Variants in PCDHA2 observed in about 807,000 individuals in gnomAD.
PCDHA2 encodes protocadherin alpha-2.
Under a neutral mutation model 66.0 loss-of-function variants are expected in PCDHA2, and 58 were observed. The ratio of observed to expected loss-of-function variants is 0.88; its 90% CI spans 0.71 to 1.09. The LOEUF is 1.09. PCDHA2 is among the 50% of genes least tolerant of loss of function. PCDHA2 has a pLI of 0.00. For synonymous variants in PCDHA2, 634 were observed against 554.0 expected (o/e 1.14, Z -2.03); for missense variants, 1,267 against 1,242.3 (o/e 1.02, Z -0.30).
At chr5:140,853,080 C>A in intron 1 of PCDHA2, 1 of 301,148 alleles carries the variant, frequency 3.3e-6, no homozygotes, top group Non-Finnish European at 5.0e-6. Context: ...GGGGTTTCAC[C>A]GTGTTAGTCA....
chr5:140,967,451 G>A, intron 1 of PCDHA2: 2 of 1,613,628 alleles, frequency 1.2e-6, no homozygotes, highest in South Asian at 2.2e-5. Flanking sequence ...GGTTCTCACA[G>A]CCGTGGATGG....
At chr5:140,868,874 A>G (rs547590599) in intron 1 of PCDHA2, 25 of 646,974 alleles carry the variant, frequency 3.9e-5, no homozygotes, top group Middle Eastern at 8.7e-4. Flanking sequence ...AGTGCACAGT[A>G]CTCACAGTTT....
intron 1 of PCDHA2, chr5:140,834,461 A>T: frequency 6.3e-7 from 1 of 1,589,356 alleles, no homozygotes; most frequent in Non-Finnish European, 8.6e-7. Flanking sequence ...CTTGGGAGGC[A>T]GGGAGAGGCC....
At chr5:140,927,754 C>T (rs1554205003) in intron 1 of PCDHA2, 1 of 1,614,030 alleles carries the variant, frequency 6.2e-7, no homozygotes, top group African/African-American at 1.3e-5. Flanking sequence ...TCACGTGCAC[C>T]CTAAAAGTGG....
Position 141,009,727 on chromosome 5 carries a change from C to T in PCDHA2, c.2637C>T (p.Pro879=), listed in dbSNP as rs781880006. The part of the protein sequence containing the change: ...YGPGNPKQSG[P]GELPDKFIIP... ...CAGGCAACCCCAAACAATCCGGTCC[C>T]GGTGAGTTGCCCGACAAATTCATTA... Residue 879 remains proline, a synonymous_variant, in exon 4 of 4, where the codon CCC becomes CCT. Coordinates refer to ENST00000526136, the MANE Select transcript of PCDHA2 (RefSeq NM_018905.3). The T allele has an allele frequency of 3.1e-6, 5 of 1,614,022 alleles. No homozygotes were observed. The highest frequency in any genetic ancestry group is 2.2e-5 in the East Asian group (1 of 44,886).
chr5:140,965,424 G>A (rs2095899424), intron 1 of PCDHA2, among the ~76,000 whole-genome samples: 1 of 152,086 alleles, frequency 6.6e-6, no homozygotes, highest in African/African-American at 2.4e-5. Flanking sequence ...AGGAAGATAA[G>A]CTGCAGTCAT....
chr5:140,841,817 T>C, intron 1 of PCDHA2: 1 of 1,613,922 alleles, frequency 6.2e-7, no homozygotes. Flanking sequence ...TGGAGCTAAC[T>C]CCGTGTTAAC....
At chr5:140,854,798 A>G (rs2043232983) in intron 1 of PCDHA2, 1 of 149,748 alleles carries the variant, frequency 6.7e-6, no homozygotes, top group African/African-American at 2.4e-5. Flanking sequence ...GAGAGAGAAA[A>G]AAATATTTTT....
Position 140,972,800 on chromosome 5 carries a change from A to G in PCDHA2, c.2389-6149A>G, listed in dbSNP as rs937312575. ...TGCCTCAGCCTCCTGAGTAGCTGAGATTACAGGCACGCGCCACCACGCCTG... is the reference window on the plus strand; with the variant it reads ...TGCCTCAGCCTCCTGAGTAGCTGAGGTTACAGGCACGCGCCACCACGCCTG... On this transcript the variant is annotated intron_variant, in intron 1 of 3. Transcript: ENST00000526136. Among the ~76,000 whole-genome samples, 8 of 151,520 alleles carry G rather than the reference A, an allele frequency of 5.3e-5. No individual in the cohort carries two copies. In the South Asian group the frequency reaches 6.3e-4, roughly 12 times the overall value.
rs2096251050 is a variant in PCDHA2, at chr5:140,968,498, C to T, written c.2389-10451C>T. 3 of 1,614,190 alleles carry T rather than the reference C, an allele frequency of 1.9e-6. No individual in the cohort carries two copies. The highest frequency in any genetic ancestry group is 2.5e-6 in the Non-Finnish European group (3 of 1,180,042). The stretch of plus-strand genomic sequence containing the variant: ...GGTGGACATGAATGACCATGCCCCT[C>T]ACATTCTGTACCCTACCTCAACCAA... On this transcript the variant is annotated intron_variant, in intron 1 of 3. Coordinates refer to ENST00000526136, the MANE Select transcript of PCDHA2 (RefSeq NM_018905.3).
chr5:140,831,301 T>C (rs2150193400), intron 1 of PCDHA2: 1 of 152,322 alleles, frequency 6.6e-6, no homozygotes, highest in African/African-American at 2.4e-5. Context: ...TCTAAATCTA[T>C]TTCTTTGTAT....
chr5:140,946,631 T>TACAC (rs374022482), intron 1 of PCDHA2, among the ~76,000 whole-genome samples: 1 of 131,846 alleles, frequency 7.6e-6, no homozygotes, highest in Non-Finnish European at 1.5e-5. Flanking sequence ...TATATATATA[T>TACAC]ACAATGGAAT....
rs868938402 is a variant in PCDHA2, at chr5:140,806,035, G to A, written c.2388+8683G>A. Among the ~76,000 whole-genome samples the A allele has an allele frequency of 7.9e-5, 12 of 152,220 alleles. No individual in the cohort carries two copies. In the South Asian group the frequency reaches 2.5e-3, roughly 32 times the overall value. On this transcript the variant is annotated intron_variant, in intron 1 of 3. Transcript: ENST00000526136. ...AAATGCTTATAAGAGATAAATTAATGTAATAAATGGCCCACGCGATTCCAC... is the reference window on the plus strand; with the variant it reads ...AAATGCTTATAAGAGATAAATTAATATAATAAATGGCCCACGCGATTCCAC...
At chr5:140,827,751 A>G (rs1042537748) in intron 1 of PCDHA2, among the ~76,000 whole-genome samples, 1 of 152,258 alleles carries the variant, frequency 6.6e-6, no homozygotes, top group Non-Finnish European at 1.5e-5. Context: ...TAGATCCCTT[A>G]CTTTAAATTA....
chr5:140,842,355 A>G lies in PCDHA2; in HGVS notation c.2388+45003A>G, dbSNP rs2150334539. ...TTAGTGAGAATTTTGGATAAAAATG[A>G]TAACGTCCCTGAGATAGCACTGACT... On this transcript the variant is annotated intron_variant, in intron 1 of 3. Transcript: ENST00000526136. The G allele has an allele frequency of 9.3e-6, 15 of 1,607,494 alleles. 1 individual carries two copies. In the East Asian group the frequency reaches 3.1e-4, roughly 33 times the overall value.
intron 1 of PCDHA2, among the ~76,000 whole-genome samples, chr5:140,918,885 T>G (rs2078908612): frequency 6.6e-6 from 1 of 152,202 alleles, no homozygotes; most frequent in Non-Finnish European, 1.5e-5. Context: ...TCTAGAACAG[T>G]GAAAAATAAA....
intron 1 of PCDHA2, among the ~76,000 whole-genome samples, chr5:140,925,122 GA>G (rs1298426256): frequency 2.7e-5 from 4 of 150,724 alleles, no homozygotes; most frequent in Non-Finnish European, 4.4e-5. Flanking sequence ...AGGAAGGAAG[GA>G]AAAAAAATTT....
At chr5:140,926,320 C>T (rs555057115) in intron 1 of PCDHA2, 1 of 152,240 alleles carries the variant, frequency 6.6e-6, no homozygotes, top group Non-Finnish European at 1.5e-5. Context: ...AGAGGTGCGC[C>T]GGGGTCAGAG....
At chr5:140,861,560 C>A in intron 1 of PCDHA2, 2 of 391,162 alleles carry the variant, frequency 5.1e-6, no homozygotes, top group Admixed American at 2.5e-5. Flanking sequence ...TGATCGTGGA[C>A]AAGCTGCTAC....
Sources: allele counts gnomAD v4.1 joint callset (sites outside exome capture counted in the v4.1 genomes callset), GRCh38; gene constraint gnomAD v4.1.1; transcripts MANE v1.5; gene names NCBI Gene and HGNC (gene_info 2026-07-23, HGNC 2026-07-21).